Variants in CTNNA2 observed in about 807,000 individuals in gnomAD.
The protein encoded by CTNNA2 is catenin alpha 2.
In CTNNA2, 42 loss-of-function variants were observed where a neutral mutation model predicts 101.0. The ratio of observed to expected loss-of-function variants is 0.42; its 90% confidence interval spans 0.32 to 0.54. CTNNA2 has a LOEUF of 0.54. Ranked by LOEUF, CTNNA2 falls within the 20% of genes least tolerant of loss-of-function variation. CTNNA2 has a pLI of 0.14. For missense variants in CTNNA2, 871 were observed against 1,223.1 expected, an observed-to-expected ratio of 0.71 and a Z score of 4.29; for synonymous variants, 450 against 456.4, an observed-to-expected ratio of 0.99 and a Z score of 0.18.
At chr2:79,314,434 G>T (rs931299821) in intron 3 of CTNNA2, among the ~76,000 whole-genome samples, 2 of 152,168 alleles carry the variant, frequency 1.3e-5, no homozygotes, top group African/African-American at 4.8e-5. Flanking sequence ...AAGAATATGC[G>T]TGGGCCTAAT....
chr2:80,616,271 G>A (rs1249846508), intron 17 of CTNNA2: 2 of 151,632 alleles, frequency 1.3e-5, no homozygotes, highest in South Asian at 4.1e-4. Context: ...TATGTGAGAC[G>A]CTACCATAAA....
At chr2:79,645,075 T>C (rs1680717558) in intron 1 of CTNNA2, among the ~76,000 whole-genome samples, 1 of 152,062 alleles carries the variant, frequency 6.6e-6, no homozygotes, top group Non-Finnish European at 1.5e-5. Context: ...CTCTGCCTCC[T>C]GGGCTCAGGC....
intron 2 of CTNNA2, among the ~76,000 whole-genome samples, chr2:79,659,657 G>A (rs1187063889): frequency 6.6e-6 from 1 of 152,060 alleles, no homozygotes; most frequent in Non-Finnish European, 1.5e-5. Context: ...ATTTTTGAAT[G>A]ATATTTTTCT....
intron 3 of CTNNA2, among the ~76,000 whole-genome samples, chr2:79,763,878 T>C (rs1206078866): frequency 6.6e-6 from 1 of 152,268 alleles, no homozygotes; most frequent in African/African-American, 2.4e-5. Context: ...TGCTGTTTAA[T>C]ACGAAGTTAT....
chr2:79,962,358 A>G (rs1344515231), intron 7 of CTNNA2, among the ~76,000 whole-genome samples: 1 of 152,198 alleles, frequency 6.6e-6, no homozygotes, highest in African/African-American at 2.4e-5. Context: ...ATCTAATCGT[A>G]TTATTCATGA....
chr2:79,286,016 C>T (rs1462136117), intron 2 of CTNNA2, among the ~76,000 whole-genome samples: 1 of 150,482 alleles, frequency 6.6e-6, no homozygotes, highest in Non-Finnish European at 1.5e-5. Context: ...TAATGGCCTT[C>T]TTTGTCTCTT....
chr2:79,309,067 A>G (rs1024731373), intron 2 of CTNNA2, among the ~76,000 whole-genome samples: 4 of 151,946 alleles, frequency 2.6e-5, no homozygotes, highest in Non-Finnish European at 4.4e-5. Flanking sequence ...TATTCTCCAG[A>G]CTGTTCTCTT....
chr2:79,299,882 G>GA (rs1438874943), intron 2 of CTNNA2, among the ~76,000 whole-genome samples: 1 of 152,192 alleles, frequency 6.6e-6, no homozygotes, highest in African/African-American at 2.4e-5. Flanking sequence ...AGATGTAGGT[G>GA]AAAATATGCA....
At chr2:79,582,061 G>C (rs1444320024) in intron 1 of CTNNA2, among the ~76,000 whole-genome samples, 1 of 152,164 alleles carries the variant, frequency 6.6e-6, no homozygotes, top group East Asian at 1.9e-4. Context: ...TTTAAAAGGG[G>C]GTTCTGGACT....
chr2:79,617,028 A>C (rs1299636011), intron 1 of CTNNA2, among the ~76,000 whole-genome samples: 1 of 151,826 alleles, frequency 6.6e-6, no homozygotes, highest in Non-Finnish European at 1.5e-5. Flanking sequence ...CAGCCACCAA[A>C]GTAACTGGGA....
intron 2 of CTNNA2, among the ~76,000 whole-genome samples, chr2:79,280,643 G>A (rs1675341174): frequency 7.0e-6 from 1 of 141,980 alleles, no homozygotes; most frequent in African/African-American, 2.8e-5. Context: ...GTGTGTGTGT[G>A]TGTGTGTGTG....
chr2:79,922,889 A>C (rs913128154), intron 7 of CTNNA2, among the ~76,000 whole-genome samples: 1 of 152,134 alleles, frequency 6.6e-6, no homozygotes, highest in African/African-American at 2.4e-5. Context: ...TATATTAATG[A>C]ATCTAGAGAC....
intron 4 of CTNNA2, among the ~76,000 whole-genome samples, chr2:79,423,887 C>T (rs904031822): frequency 4.6e-5 from 7 of 152,088 alleles, no homozygotes; most frequent in Admixed American, 4.6e-4. Flanking sequence ...TTCTTCAGAA[C>T]TCTGTCTTTC....
chr2:79,612,299 C>G (rs1678328077), intron 1 of CTNNA2, among the ~76,000 whole-genome samples: 1 of 152,138 alleles, frequency 6.6e-6, no homozygotes, highest in African/African-American at 2.4e-5. Flanking sequence ...TTACTGTCAA[C>G]TAAGGGGAAG....
intron 7 of CTNNA2, among the ~76,000 whole-genome samples, chr2:80,081,465 T>A (rs1295861551): frequency 6.6e-6 from 1 of 152,072 alleles, no homozygotes; most frequent in Non-Finnish European, 1.5e-5. Flanking sequence ...TTCAGAAACA[T>A]GTGATAAGAA....
chr2:80,468,907 T>A (rs1169813157), intron 9 of CTNNA2, among the ~76,000 whole-genome samples: 1 of 152,198 alleles, frequency 6.6e-6, no homozygotes, highest in Admixed American at 6.5e-5. Flanking sequence ...TATTTTTTTC[T>A]GAGCCTTTTT....
At chr2:80,240,109 A>C (rs1670802989) in intron 7 of CTNNA2, among the ~76,000 whole-genome samples, 1 of 152,150 alleles carries the variant, frequency 6.6e-6, no homozygotes, top group South Asian at 2.1e-4. Context: ...CATACCTCTT[A>C]GGTGGTACTC....
At chr2:79,699,832 C>CACACACACGT (rs1553453392) in intron 2 of CTNNA2, among the ~76,000 whole-genome samples, 1 of 137,462 alleles carries the variant, frequency 7.3e-6, no homozygotes, top group African/African-American at 2.7e-5. Context: ...CACACACACA[C>CACACACACGT]GTGTGTGTAT....
chr2:79,292,341 T>C (rs1675844428), intron 2 of CTNNA2, among the ~76,000 whole-genome samples: 1 of 152,198 alleles, frequency 6.6e-6, no homozygotes, highest in South Asian at 2.1e-4. Flanking sequence ...CTATGCTGAA[T>C]GCCATAGTTC....
Sources: allele counts gnomAD v4.1 joint callset (sites outside exome capture counted in the v4.1 genomes callset), GRCh38; gene constraint gnomAD v4.1.1; transcripts MANE v1.5; gene names NCBI Gene and HGNC (gene_info 2026-07-23, HGNC 2026-07-21).